Variants in THRB observed in about 807,000 individuals in gnomAD.
THRB encodes nuclear receptor subfamily 1 group A member 2.
In THRB, 12 loss-of-function variants were observed where a neutral mutation model predicts 47.8. The observed-to-expected ratio is 0.25, with a 90% CI of 0.16 to 0.41. THRB has a LOEUF of 0.41. THRB is among the 10% of genes least tolerant of loss of function. The probability of loss-of-function intolerance (pLI) is 1.00; values close to 1 mark genes in which losing one functional copy is unlikely to be tolerated. For synonymous variants in THRB, 218 were observed against 212.2 expected (o/e 1.03, Z -0.24); for missense variants, 348 against 589.2 (o/e 0.59, Z 4.24).
intron 3 of THRB, among the ~76,000 whole-genome samples, chr3:24,244,131 A>T (rs2049869793): frequency 6.6e-6 from 1 of 152,008 alleles, no homozygotes. Context: ...GATACAAGGG[A>T]TCCTTTTGGG....
At chr3:24,459,836 T>C (rs147742398) in intron 1 of THRB, among the ~76,000 whole-genome samples, 1 of 152,294 alleles carries the variant, frequency 6.6e-6, no homozygotes, top group East Asian at 1.9e-4. Flanking sequence ...TAAGTTCTAA[T>C]ATCCAGAATC....
chr3:24,343,232 G>A (rs2062795419), intron 1 of THRB, among the ~76,000 whole-genome samples: 1 of 152,094 alleles, frequency 6.6e-6, no homozygotes, highest in African/African-American at 2.4e-5. Flanking sequence ...TCAATTTCCT[G>A]AGAGATGGTG....
chr3:24,137,808 G>A (rs767385560), intron 8 of THRB, among the ~76,000 whole-genome samples: 5 of 152,098 alleles, frequency 3.3e-5, no homozygotes, highest in Non-Finnish European at 5.9e-5. Flanking sequence ...GGGAGTCAAA[G>A]GAAAAAACAG....
chr3:24,209,601 C>G (rs2045795490), intron 4 of THRB, among the ~76,000 whole-genome samples: 1 of 152,186 alleles, frequency 6.6e-6, no homozygotes, highest in African/African-American at 2.4e-5. Context: ...CCCATGTTCT[C>G]ACTCAAAGGT....
chr3:24,296,511 G>A (rs1008291711), intron 3 of THRB, among the ~76,000 whole-genome samples: 4 of 152,226 alleles, frequency 2.6e-5, no homozygotes, highest in African/African-American at 9.6e-5. Flanking sequence ...TTCAGAGGCT[G>A]AGAATATGAG....
intron 1 of THRB, among the ~76,000 whole-genome samples, chr3:24,445,754 C>G (rs186239297): frequency 6.6e-6 from 1 of 152,158 alleles, no homozygotes; most frequent in Admixed American, 6.5e-5. Flanking sequence ...CTCCTAGGAA[C>G]TGTCCAATAG....
intron 4 of THRB, among the ~76,000 whole-genome samples, chr3:24,214,488 A>G (rs1489469747): frequency 2.6e-5 from 4 of 152,094 alleles, no homozygotes; most frequent in African/African-American, 9.7e-5. Context: ...AATCATAGGA[A>G]ACAATAAAAG....
intron 1 of THRB, among the ~76,000 whole-genome samples, chr3:24,443,675 C>T (rs1409005935): frequency 6.6e-6 from 1 of 152,046 alleles, no homozygotes; most frequent in African/African-American, 2.4e-5. Context: ...AATTATAGTG[C>T]ACCATTTTAA....
intron 4 of THRB, among the ~76,000 whole-genome samples, chr3:24,207,185 A>C (rs1228873347): frequency 6.6e-6 from 1 of 152,198 alleles, no homozygotes. Context: ...TGGCCGAGAC[A>C]CAACAAAAAA....
intron 1 of THRB, among the ~76,000 whole-genome samples, chr3:24,355,827 A>G (rs894413192): frequency 6.6e-6 from 1 of 152,106 alleles, no homozygotes; most frequent in Non-Finnish European, 1.5e-5. Context: ...TAATCTTAGC[A>G]CTTGTATATC....
chr3:24,385,412 T>TACACAC (rs111954578), intron 1 of THRB, among the ~76,000 whole-genome samples: 197 of 145,324 alleles, frequency 1.4e-3, no homozygotes, highest in Non-Finnish European at 2.3e-3. Flanking sequence ...CACACACACA[T>TACACAC]ACACACACAC....
Position 24,333,375 on chromosome 3 carries a change from G to A in THRB, c.-189+3925C>T, listed in dbSNP as rs188311968. Among the ~76,000 whole-genome samples the A allele has an allele frequency of 3.0e-4, 45 of 152,272 alleles. No individual in the cohort carries two copies. In the East Asian group the frequency reaches 8.1e-3, roughly 27 times the overall value. On this transcript the variant is annotated intron_variant, in intron 2 of 10. Coordinates refer to ENST00000646209, the MANE Select transcript of THRB (RefSeq NM_001354712.2). ...AGAAATAAATTTCAAGAACTTTGGC[G>A]CTAGCAGGATCAGTTGCCCAAAGTC...
intron 3 of THRB, among the ~76,000 whole-genome samples, chr3:24,234,058 G>A (rs1403241184): frequency 6.6e-6 from 1 of 152,118 alleles, no homozygotes; most frequent in African/African-American, 2.4e-5. Flanking sequence ...ATGGCTTCAG[G>A]GACAAGCTAA....
intron 3 of THRB, among the ~76,000 whole-genome samples, chr3:24,275,532 C>T (rs905649521): frequency 1.3e-5 from 2 of 152,170 alleles, no homozygotes; most frequent in African/African-American, 4.8e-5. Context: ...AAAAAGCTGA[C>T]ATTTGAGGCA....
chr3:24,339,768 C>T (rs1339101785), intron 1 of THRB, among the ~76,000 whole-genome samples: 1 of 152,130 alleles, frequency 6.6e-6, no homozygotes, highest in Non-Finnish European at 1.5e-5. Context: ...CAGTTCTTCT[C>T]TTTAGGAAAC....
chr3:24,147,716 A>G (rs2036283945), intron 6 of THRB, among the ~76,000 whole-genome samples: 1 of 152,348 alleles, frequency 6.6e-6, no homozygotes, highest in African/African-American at 2.4e-5. Flanking sequence ...AGCAGTGAGC[A>G]CTTATTGTGA....
rs150546779 is a variant in THRB, at chr3:24,449,785, A to C, written c.-261+44867T>G. ...AAGCTTTTCTGTGCTAGTTTTAGTA[A>C]TAACTTGTAATAATGGGAAAAAAAG... is the stretch of plus-strand genomic sequence containing the variant. On this transcript the variant is annotated intron_variant, in intron 1 of 10. Transcript: ENST00000646209. Among the ~76,000 whole-genome samples the C allele has an allele frequency of 1.5e-3, 229 of 152,324 alleles. 1 individual carries two copies. The highest frequency in any genetic ancestry group is 5.1e-3 in the African/African-American group (213 of 41,580).
chr3:24,395,828 A>G (rs1157343117), intron 1 of THRB, among the ~76,000 whole-genome samples: 3 of 152,178 alleles, frequency 2.0e-5, no homozygotes, highest in Non-Finnish European at 4.4e-5. Context: ...TTATAGCAGT[A>G]TTATTCATAA....
At chr3:24,339,976 T>C (rs2062520786) in intron 1 of THRB, among the ~76,000 whole-genome samples, 1 of 152,230 alleles carries the variant, frequency 6.6e-6, no homozygotes, top group Admixed American at 6.5e-5. Flanking sequence ...TGTAACTGAT[T>C]CATATTTATA....
Sources: allele counts gnomAD v4.1 joint callset (sites outside exome capture counted in the v4.1 genomes callset), GRCh38; gene constraint gnomAD v4.1.1; transcripts MANE v1.5; gene names NCBI Gene and HGNC (gene_info 2026-07-23, HGNC 2026-07-21).